PLEK: variants seen among roughly 807,000 people sequenced by gnomAD.
PLEK encodes pleckstrin.
PLEK carries 25 observed loss-of-function variants against 43.9 expected under a neutral mutation model. The observed-to-expected ratio is 0.57, with a 90% CI of 0.41 to 0.79. The LOEUF (loss-of-function observed/expected upper bound fraction) is 0.79. Ranked by LOEUF, PLEK falls within the 30% of genes least tolerant of loss-of-function variation. The pLI is 0.00. For missense variants in PLEK, 396 were observed against 413.3 expected (o/e 0.96, Z 0.36); for synonymous variants, 152 against 144.4 (o/e 1.05, Z -0.38).
At position 68,395,834 on chromosome 2, in the gene PLEK, T is replaced by G. The variant is rs760930311; in HGVS notation, c.*18T>G. Reference sequence around the variant, plus strand: ...GGAAGTAAAGAGACTCCTGCATTCCTCCTCCCCTCCTGAGGGAAGCCCATG... The same window carrying G: ...GGAAGTAAAGAGACTCCTGCATTCCGCCTCCCCTCCTGAGGGAAGCCCATG... On this transcript the variant is annotated 3_prime_UTR_variant, in exon 9 of 9. Transcript: ENST00000234313. The G allele has an allele frequency of 2.5e-6, 4 of 1,607,978 alleles. No individual in the cohort carries two copies. In the South Asian group the frequency reaches 3.3e-5, roughly 13 times the overall value.
chr2:68,390,402 T>G (rs1348999968), intron 6 of PLEK, among the ~76,000 whole-genome samples: 1 of 152,230 alleles, frequency 6.6e-6, no homozygotes, highest in African/African-American at 2.4e-5. Context: ...GCTAATTTAT[T>G]CTATTATCAG....
intron 1 of PLEK, among the ~76,000 whole-genome samples, chr2:68,373,725 G>A (rs1327965012): frequency 6.6e-6 from 1 of 152,162 alleles, no homozygotes; most frequent in African/African-American, 2.4e-5. Context: ...GATGATGGCA[G>A]TTAATAATCT....
At chr2:68,367,468 A>G (rs1362778173) in intron 1 of PLEK, among the ~76,000 whole-genome samples, 2 of 152,172 alleles carry the variant, frequency 1.3e-5, no homozygotes, top group Non-Finnish European at 2.9e-5. Flanking sequence ...TTGATATTTT[A>G]AAGAAATGTT....
intron 6 of PLEK, among the ~76,000 whole-genome samples, chr2:68,392,284 T>A (rs1054252290): frequency 2.0e-5 from 3 of 149,986 alleles, no homozygotes; most frequent in African/African-American, 7.6e-5. Context: ...CTACCTAAGG[T>A]TTAGTTCCTA....
intron 4 of PLEK, 77 bp downstream of exon 4, chr2:68,382,710 T>C: frequency 1.2e-6 from 1 of 815,664 alleles, no homozygotes; most frequent in South Asian, 1.4e-5. Flanking sequence ...GTCTGTGAGG[T>C]GGGGGTATGA....
chr2:68,387,198 G>A lies in PLEK; in HGVS notation c.657+512G>A, dbSNP rs183519855. Among the ~76,000 whole-genome samples, 202 of 152,170 alleles carry A rather than the reference G, an allele frequency of 1.3e-3. 1 individual carries two copies. Among genetic ancestry groups the A allele is most frequent in the Admixed American group, 3.4e-3 (52 of 15,292 alleles). On this transcript the variant is annotated intron_variant, in intron 5 of 8. Coordinates refer to ENST00000234313, the MANE Select transcript of PLEK (RefSeq NM_002664.3). ...TTTTCGTATTTTTAGTAAAGACAGC[G>A]TTTCACCATGTTGGCCAGGCTGGTC...
chr2:68,393,028 T>G (rs1300211385), intron 6 of PLEK, 134 bp from the exon 7 acceptor site: 1 of 710,222 alleles, frequency 1.4e-6, no homozygotes, highest in Non-Finnish European at 2.6e-6. Flanking sequence ...GCCGGGATAT[T>G]GTTATCCTGG....
chr2:68,375,291 G>T (rs1187418490), intron 1 of PLEK, among the ~76,000 whole-genome samples: 3 of 152,154 alleles, frequency 2.0e-5, no homozygotes, highest in Non-Finnish European at 4.4e-5. Context: ...GATAAATAAT[G>T]ATGTTGAACA....
chr2:68,372,880 A>G (rs1196700780), intron 1 of PLEK, among the ~76,000 whole-genome samples: 1 of 152,240 alleles, frequency 6.6e-6, no homozygotes, highest in Non-Finnish European at 1.5e-5. Context: ...GGGAAAAAAC[A>G]TAAAATTGAG....
At chr2:68,380,280 G>C (rs1287790164) in intron 1 of PLEK, 48 bp from the exon 2 acceptor site, 3 of 1,508,570 alleles carry the variant, frequency 2.0e-6, no homozygotes, top group Non-Finnish European at 2.7e-6. Context: ...GGAAAATACA[G>C]TTTGCAAAGA....
intron 6 of PLEK, among the ~76,000 whole-genome samples, chr2:68,389,939 T>G (rs898623950): frequency 1.3e-5 from 2 of 152,216 alleles, no homozygotes; most frequent in African/African-American, 4.8e-5. Flanking sequence ...ATTTTGTTGA[T>G]TTCTTCCATA....
intron 5 of PLEK, 90 bp from the exon 6 acceptor site, chr2:68,388,297 C>T (rs1329931829): frequency 2.6e-6 from 2 of 754,866 alleles, no homozygotes; most frequent in African/African-American, 3.6e-5. Flanking sequence ...AGGCTGCCCT[C>T]ATGGCTGGAG....
chr2:68,387,450 T>C (rs1011523920), intron 5 of PLEK, among the ~76,000 whole-genome samples: 2 of 152,240 alleles, frequency 1.3e-5, no homozygotes, highest in Admixed American at 6.5e-5. Flanking sequence ...ACAGGTTTGA[T>C]GTATTAAGTG....
intron 1 of PLEK, among the ~76,000 whole-genome samples, chr2:68,375,180 T>C (rs1376461831): frequency 6.6e-6 from 1 of 152,210 alleles, no homozygotes; most frequent in Non-Finnish European, 1.5e-5. Context: ...CCAGTTATTC[T>C]ACCTCCTTGT....
intron 1 of PLEK, among the ~76,000 whole-genome samples, chr2:68,374,684 G>A (rs1016350): frequency 2.0e-5 from 3 of 151,974 alleles, no homozygotes; most frequent in Non-Finnish European, 2.9e-5. Flanking sequence ...TACTCCCATC[G>A]TCGGTAACCA....
intron 1 of PLEK, among the ~76,000 whole-genome samples, chr2:68,378,719 A>C (rs889426797): frequency 6.6e-6 from 1 of 152,240 alleles, no homozygotes; most frequent in Non-Finnish European, 1.5e-5. Context: ...AATCTTATCC[A>C]AATTATTTCA....
intron 4 of PLEK, among the ~76,000 whole-genome samples, chr2:68,386,289 A>G (rs1039209716): frequency 6.6e-6 from 1 of 152,034 alleles, no homozygotes; most frequent in African/African-American, 2.4e-5. Flanking sequence ...AGCAGCATGT[A>G]GATGTTCTTA....
Position 68,380,462 on chromosome 2 carries a change from T to C in PLEK, c.177T>C (p.Cys59=). Reference sequence around the variant, plus strand: ...AAGGGAGCACTCTGACTAGCCCTTGTCAAGACTTTGGCAAAAGGATGGTAA... The same window carrying C: ...AAGGGAGCACTCTGACTAGCCCTTGCCAAGACTTTGGCAAAAGGATGGTAA... The part of the protein sequence containing the change: ...PLKGSTLTSP[C]QDFGKRMFVF... Residue 59 remains cysteine, a synonymous_variant, in exon 2 of 9, where the codon TGT becomes TGC. Coordinates refer to ENST00000234313, the MANE Select transcript of PLEK (RefSeq NM_002664.3). 1.2e-6 allele frequency: 2 copies of C among 1,613,776 alleles called. No individual in the cohort carries two copies. Among genetic ancestry groups the C allele is most frequent in the East Asian group, 2.2e-5 (1 of 44,876 alleles).
intron 6 of PLEK, among the ~76,000 whole-genome samples, chr2:68,392,005 G>A (rs1164546545): frequency 6.6e-6 from 1 of 152,036 alleles, no homozygotes; most frequent in Non-Finnish European, 1.5e-5. Flanking sequence ...GTGGCCCTGG[G>A]AAACAAAGAT....
Sources: gnomAD v4.1 joint callset for allele counts (sites outside exome capture counted in the v4.1 genomes callset) on GRCh38, gnomAD v4.1.1 for gene constraint, MANE v1.5 for transcripts, NCBI Gene and HGNC (gene_info 2026-07-23, HGNC 2026-07-21) for gene names.